The following KIF9 variants were observed in gnomAD, a reference collection of about 807,000 sequenced individuals.
The protein encoded by KIF9 is kinesin family member 9.
A neutral mutation model predicts 94.8 loss-of-function variants in KIF9; 68 were observed. The observed-to-expected ratio is 0.72, with a 90% CI of 0.59 to 0.88. The LOEUF (loss-of-function observed/expected upper bound fraction) is 0.88. Ranked by LOEUF, KIF9 falls within the 40% of genes least tolerant of loss-of-function variation. KIF9 has a pLI of 0.00. For missense variants in KIF9, 882 were observed against 982.5 expected, an observed-to-expected ratio of 0.90 and a Z score of 1.37; for synonymous variants, 343 against 362.1, an observed-to-expected ratio of 0.95 and a Z score of 0.60.
chr3:47,246,152 A>G (rs771206675), intron 13 of KIF9, 45 bp downstream of exon 13: 1 of 1,573,148 alleles, frequency 6.4e-7, no homozygotes. Context: ...GGAGATGAAA[A>G]TGGCAGCCTG....
chr3:47,270,960 C>G (rs1576071589), intron 5 of KIF9, among the ~76,000 whole-genome samples: 1 of 126,258 alleles, frequency 7.9e-6, no homozygotes. Flanking sequence ...GCAACATGGC[C>G]AGACCTTGTC....
intron 5 of KIF9, among the ~76,000 whole-genome samples, chr3:47,267,872 CTT>C (rs1210887622): frequency 1.0e-4 from 13 of 125,710 alleles, no homozygotes; most frequent in Non-Finnish European, 1.4e-4. Context: ...TTGTGTTCTC[CTT>C]TTTTTTTTTT....
At chr3:47,274,483 G>A (rs1472545752) in intron 3 of KIF9, among the ~76,000 whole-genome samples, 1 of 152,216 alleles carries the variant, frequency 6.6e-6, no homozygotes, top group East Asian at 1.9e-4. Context: ...AAAATTTTTT[G>A]CCTTTGTCAC....
intron 9 of KIF9, 106 bp downstream of exon 9, chr3:47,264,180 C>A: frequency 1.2e-6 from 1 of 859,034 alleles, no homozygotes; most frequent in Non-Finnish European, 2.0e-6. Flanking sequence ...CCACTCTTGA[C>A]AATGTCTATG....
chr3:47,236,845 T>C (rs1314423601), intron 17 of KIF9, among the ~76,000 whole-genome samples: 1 of 152,208 alleles, frequency 6.6e-6, no homozygotes, highest in Non-Finnish European at 1.5e-5. Flanking sequence ...ACTGGCATTT[T>C]AGGGCAAACA....
Position 47,236,161 on chromosome 3 carries a change from T to C in KIF9, c.2102-12A>G. On this transcript the variant is annotated splice_polypyrimidine_tract_variant and intron_variant, in intron 18 of 20. Transcript: ENST00000684063. ...CCAGATGTCAAATTCTACAAGGAGG[T>C]GAGGAGACAGAACTTGAGGAAGCCG... The C allele has an allele frequency of 6.3e-7, 1 of 1,594,486 alleles. No individual in the cohort carries two copies. Among genetic ancestry groups the C allele is most frequent in the South Asian group, 1.1e-5 (1 of 90,696 alleles).
At chr3:47,264,036 C>T (rs564749198) in intron 9 of KIF9, 6 of 561,982 alleles carry the variant, frequency 1.1e-5, no homozygotes, top group South Asian at 9.7e-5. Flanking sequence ...CTCAGCCTCC[C>T]TCCTCACACA....
chr3:47,249,065 C>A (rs897853689), intron 10 of KIF9, among the ~76,000 whole-genome samples: 1 of 150,198 alleles, frequency 6.7e-6, no homozygotes, highest in Non-Finnish European at 1.5e-5. Flanking sequence ...ATGGTTATAA[C>A]CTCATCCTTT....
In KIF9 at chr3:47,258,440, A is replaced by C. The variant is rs917460233; in HGVS notation, c.982-880T>G. ...AATGTTATAAATTCAACATGTAATCAACATTTTTAAATTATTGAGATATTT... is the reference window on the plus strand; with the variant it reads ...AATGTTATAAATTCAACATGTAATCCACATTTTTAAATTATTGAGATATTT... On this transcript the variant is annotated intron_variant, in intron 9 of 20. Transcript: ENST00000684063. Among the ~76,000 whole-genome samples the C allele has an allele frequency of 3.3e-5, 5 of 152,190 alleles. No individual in the cohort carries two copies. In the East Asian group the frequency reaches 9.6e-4, roughly 29 times the overall value.
intron 20 of KIF9, among the ~76,000 whole-genome samples, chr3:47,232,461 T>C (rs2107003925): frequency 6.6e-6 from 1 of 151,782 alleles, no homozygotes; most frequent in South Asian, 2.1e-4. Context: ...ATTTTTGTAT[T>C]TTTAGTAGAG....
At chr3:47,247,222 A>G in intron 12 of KIF9, 151 bp downstream of exon 12, 1 of 564,398 alleles carries the variant, frequency 1.8e-6, no homozygotes, top group Non-Finnish European at 3.3e-6. Context: ...GATGAGCTGA[A>G]GGGACCCTGA....
Position 47,245,227 on chromosome 3 carries a change from T to C in KIF9, c.1380+194A>G, listed in dbSNP as rs1039619969. The C allele has an allele frequency of 6.5e-6, 4 of 616,662 alleles. No individual in the cohort carries two copies. The African/African-American group carries it at 7.4e-5, about 11-fold the overall frequency. 38.2% of individuals were successfully genotyped at this position (616,662 alleles called of 1,614,324 possible). On this transcript the variant is annotated intron_variant, in intron 14 of 20. Coordinates refer to ENST00000684063, the MANE Select transcript of KIF9 (RefSeq NM_182902.4). ...CGTCTTTAATATTATTATCCATGTC[T>C]CTACCTTATGGAAATTATTTTTAAT...
At chr3:47,247,348 T>C (rs754386186) in intron 12 of KIF9, 25 bp downstream of exon 12, 2 of 1,526,386 alleles carry the variant, frequency 1.3e-6, no homozygotes, top group Non-Finnish European at 1.8e-6. Flanking sequence ...TGGCTGAGCA[T>C]AGTGGTCACA....
At chr3:47,275,147 G>T in intron 3 of KIF9, 178 bp downstream of exon 3, 1 of 579,094 alleles carries the variant, frequency 1.7e-6, no homozygotes, top group South Asian at 2.5e-5. Flanking sequence ...CCAGGACATT[G>T]GATCAAGCCA....
At chr3:47,250,457 GCACTTGGCACA>G in intron 10 of KIF9, 1 of 287,602 alleles carries the variant, frequency 3.5e-6, no homozygotes, top group Non-Finnish European at 7.5e-6. Context: ...GCTTTAAAAA[GCACTTGGCACA>G]TAGTAAGCAC....
At chr3:47,245,193 C>G (rs1233495146) in intron 14 of KIF9, 2 of 599,514 alleles carry the variant, frequency 3.3e-6, no homozygotes, top group Non-Finnish European at 5.9e-6. Context: ...CAACCTAATT[C>G]CAGGAAATCG....
chr3:47,243,281 T>G (rs747986083), intron 15 of KIF9, 36 bp from the exon 16 acceptor site: 1 of 1,556,620 alleles, frequency 6.4e-7, no homozygotes, highest in Non-Finnish European at 8.8e-7. Flanking sequence ...GGTTCAGTCA[T>G]GGACAGTGAG....
chr3:47,241,330 T>C (rs1350960663), intron 16 of KIF9, among the ~76,000 whole-genome samples: 1 of 151,738 alleles, frequency 6.6e-6, no homozygotes, highest in Non-Finnish European at 1.5e-5. Context: ...TTCTTTTTTT[T>C]TTTTTCTCGA....
intron 13 of KIF9, chr3:47,245,982 C>A: frequency 1.8e-6 from 1 of 555,688 alleles, no homozygotes. Flanking sequence ...ATGCCCTGCT[C>A]TGGGCACTCT....
Sources: gnomAD v4.1 joint callset for allele counts (sites outside exome capture counted in the v4.1 genomes callset) on GRCh38, gnomAD v4.1.1 for gene constraint, MANE v1.5 for transcripts, NCBI Gene and HGNC (gene_info 2026-07-23, HGNC 2026-07-21) for gene names.